The following COL28A1 variants were observed in gnomAD, a reference collection of about 807,000 sequenced individuals.
COL28A1 encodes the protein collagen alpha-1(XXVIII) chain.
In COL28A1, 161 loss-of-function variants were observed where a neutral mutation model predicts 150.2. That is an observed-to-expected ratio of 1.07 (90% CI 0.94 to 1.22). The LOEUF (loss-of-function observed/expected upper bound fraction) is 1.22, where lower values mean the gene tolerates loss of function less well. Among genes scored for constraint, COL28A1 ranks in the 50% most tolerant of loss-of-function variants. The pLI is 0.00. For missense variants in COL28A1, 1,617 were observed against 1,388.3 expected (o/e 1.16, Z -2.62); for synonymous variants, 552 against 469.7 (o/e 1.18, Z -2.26).
intron 18 of COL28A1, among the ~76,000 whole-genome samples, chr7:7,449,414 T>C (rs1441466906): frequency 3.3e-5 from 5 of 151,836 alleles, no homozygotes; most frequent in Non-Finnish European, 2.9e-5. Flanking sequence ...CTTAACCTAA[T>C]GAAGGGTATC....
At chr7:7,372,932 C>T (rs567843737) in intron 32 of COL28A1, 66 bp downstream of exon 32, 3 of 1,394,384 alleles carry the variant, frequency 2.2e-6, no homozygotes, top group African/African-American at 2.9e-5. Flanking sequence ...TCAGGACAAA[C>T]CAGTGATATG....
At chr7:7,417,721 TA>T (rs1054629206) in intron 27 of COL28A1, 137 bp downstream of exon 27, 6 of 725,080 alleles carry the variant, frequency 8.3e-6, no homozygotes, top group African/African-American at 7.0e-5. Context: ...ATGATGTCTC[TA>T]AACACTGGAT....
chr7:7,377,922 G>A (rs1238351306), intron 30 of COL28A1, among the ~76,000 whole-genome samples: 1 of 151,940 alleles, frequency 6.6e-6, no homozygotes, highest in African/African-American at 2.4e-5. Context: ...ATAACTGGAA[G>A]AAACGATGAG....
At chr7:7,527,749 T>C (rs1490969529) in intron 3 of COL28A1, among the ~76,000 whole-genome samples, 1 of 152,208 alleles carries the variant, frequency 6.6e-6, no homozygotes, top group East Asian at 1.9e-4. Flanking sequence ...TATATTCACA[T>C]ATACTATATA....
intron 27 of COL28A1, among the ~76,000 whole-genome samples, chr7:7,408,150 A>G (rs1783591551): frequency 6.6e-6 from 1 of 152,066 alleles, no homozygotes; most frequent in South Asian, 2.1e-4. Flanking sequence ...ACTAGTTCCT[A>G]CATTACAGCC....
At chr7:7,536,277 T>C (rs1287025088), upstream of COL28A1, among the ~76,000 whole-genome samples, 1 of 152,120 alleles carries the variant, frequency 6.6e-6, no homozygotes, top group Non-Finnish European at 1.5e-5. Context: ...TACATAGGTG[T>C]GCATTGTTCT....
intron 7 of COL28A1, 151 bp from the exon 8 acceptor site, chr7:7,515,991 C>CT (rs1781395235): frequency 1.8e-6 from 1 of 548,154 alleles, no homozygotes; most frequent in South Asian, 2.7e-5. Context: ...TTCCACTTCT[C>CT]TTTGTGCTTG....
chr7:7,412,774 C>T (rs1244890525), intron 27 of COL28A1, among the ~76,000 whole-genome samples: 1 of 152,110 alleles, frequency 6.6e-6, no homozygotes, highest in East Asian at 1.9e-4. Flanking sequence ...GGAATATCAA[C>T]TCTGTGTCCT....
intron 17 of COL28A1, 114 bp from the exon 18 acceptor site, chr7:7,452,501 C>A (rs945508827): frequency 1.5e-5 from 21 of 1,392,654 alleles, no homozygotes; most frequent in African/African-American, 5.9e-5. Flanking sequence ...GTGCTCAATT[C>A]ATATATATTG....
chr7:7,417,624 T>A (rs1035420865), intron 27 of COL28A1: 55 of 479,968 alleles, frequency 1.1e-4, no homozygotes, highest in Admixed American at 5.4e-4. Flanking sequence ...CAACAAACCA[T>A]AGAACAGTTC....
intron 6 of COL28A1, among the ~76,000 whole-genome samples, chr7:7,518,870 T>C (rs990374710): frequency 5.3e-5 from 8 of 152,216 alleles, no homozygotes; most frequent in African/African-American, 1.9e-4. Flanking sequence ...TATTTAAATT[T>C]ATTTTATTAC....
intron 27 of COL28A1, among the ~76,000 whole-genome samples, chr7:7,384,008 C>T (rs71533368): frequency 0.076 from 11,632 of 152,172 alleles, 543 homozygotes; most frequent in Middle Eastern, 0.16. Flanking sequence ...CCTAACCTCT[C>T]ACGGCACATT....
chr7:7,369,943 T>C (rs577152051), intron 33 of COL28A1, among the ~76,000 whole-genome samples: 9 of 152,268 alleles, frequency 5.9e-5, no homozygotes, highest in South Asian at 4.2e-4. Context: ...ATGGGGTTAA[T>C]AGAAATGGGT....
In COL28A1 at chr7:7,502,760, C is replaced by T. The variant is rs1372756959; in HGVS notation, c.1026+3254G>A. 4.7e-5 allele frequency among the ~76,000 whole-genome samples: 2 copies of T among 42,932 alleles called. 1 individual carries two copies. The highest frequency in any genetic ancestry group is 7.2e-5 in the Non-Finnish European group (2 of 27,618). 28.2% of individuals were successfully genotyped at this position (42,932 alleles called of 152,430 possible). A position where few individuals can be genotyped will look rare whatever the true frequency, so the allele number is the denominator to read the frequency against. On this transcript the variant is annotated intron_variant, in intron 11 of 34. Coordinates refer to ENST00000399429, the MANE Select transcript of COL28A1 (RefSeq NM_001037763.3). ...TCGCCCAGGCTGGAGTGCAGTGGCG[C>T]GATCTCGGCTCACTGCAAGCTCCGC...
At chr7:7,338,938 G>A in the COL28A1 span, among the ~76,000 whole-genome samples, 1 of 152,022 alleles carries the variant, frequency 6.6e-6, no homozygotes, top group African/African-American at 2.4e-5. Context: ...GAACTAGCAT[G>A]CTGGATTATG....
At chr7:7,456,019 G>A (rs751968325) in intron 16 of COL28A1, 25 bp downstream of exon 16, 1 of 1,613,454 alleles carries the variant, frequency 6.2e-7, no homozygotes, top group Non-Finnish European at 8.5e-7. Context: ...CTGCACTGAA[G>A]GGAAAGGAAG....
intron 25 of COL28A1, among the ~76,000 whole-genome samples, chr7:7,430,881 G>C (rs1183033166): frequency 6.6e-6 from 1 of 152,172 alleles, no homozygotes; most frequent in Non-Finnish European, 1.5e-5. Context: ...TCCTGAGTCA[G>C]ACCAAGCCAG....
chr7:7,487,184 A>C, intron 13 of COL28A1, among the ~76,000 whole-genome samples: 1 of 151,256 alleles, frequency 6.6e-6, no homozygotes, highest in African/African-American at 2.5e-5. Flanking sequence ...ACGACAATGA[A>C]TAAGTGACAC....
At chr7:7,520,653 G>T (rs192439805) in intron 5 of COL28A1, among the ~76,000 whole-genome samples, 1 of 152,138 alleles carries the variant, frequency 6.6e-6, no homozygotes, top group Non-Finnish European at 1.5e-5. Flanking sequence ...CAACCAGAAA[G>T]CTTGCTTTTC....
Sources: allele counts gnomAD v4.1 joint callset (sites outside exome capture counted in the v4.1 genomes callset), GRCh38; gene constraint gnomAD v4.1.1; transcripts MANE v1.5; gene names NCBI Gene and HGNC (gene_info 2026-07-23, HGNC 2026-07-21).